Variants in BRINP2 observed in about 807,000 individuals in gnomAD.
BRINP2 encodes the protein BMP/retinoic acid-inducible neural-specific protein 2.
In BRINP2, 21 loss-of-function variants were observed where a neutral mutation model predicts 69.2. The observed-to-expected ratio is 0.30, with a 90% confidence interval of 0.22 to 0.44. The LOEUF (loss-of-function observed/expected upper bound fraction) is 0.44. Among genes scored for constraint, BRINP2 ranks in the 20% least tolerant of loss-of-function variants. The pLI, the probability that BRINP2 is intolerant of heterozygous loss-of-function variation, is 1.00. For missense variants in BRINP2, 877 were observed against 986.0 expected (o/e 0.89, Z 1.48); for synonymous variants, 380 against 394.1 (o/e 0.96, Z 0.42).
chr1:177,174,053 C>T (rs1463528398), intron 1 of BRINP2, among the ~76,000 whole-genome samples: 3 of 152,174 alleles, frequency 2.0e-5, no homozygotes, highest in Non-Finnish European at 2.9e-5. Flanking sequence ...CTAATTAATC[C>T]TCACACGGCT....
At chr1:177,266,798 T>G (rs1558183567) in intron 4 of BRINP2, among the ~76,000 whole-genome samples, 1 of 150,708 alleles carries the variant, frequency 6.6e-6, no homozygotes, top group Admixed American at 6.6e-5. Flanking sequence ...AAAAAAAAGT[T>G]ACTCTTTTGT....
intron 1 of BRINP2, among the ~76,000 whole-genome samples, chr1:177,176,457 C>CT (rs567449645): frequency 6.6e-6 from 1 of 150,970 alleles, no homozygotes; most frequent in Non-Finnish European, 1.5e-5. Flanking sequence ...TCACCCATTT[C>CT]TTTTTTATTT....
chr1:177,276,616 T>C (rs1471828790), intron 6 of BRINP2, among the ~76,000 whole-genome samples, 182 bp downstream of exon 6: 4 of 152,208 alleles, frequency 2.6e-5, no homozygotes, highest in African/African-American at 9.6e-5. Flanking sequence ...GTTTCATTTT[T>C]TTCTAGGACA....
chr1:177,196,998 A>T (rs1648766622), intron 1 of BRINP2, among the ~76,000 whole-genome samples: 1 of 152,110 alleles, frequency 6.6e-6, no homozygotes, highest in Non-Finnish European at 1.5e-5. Flanking sequence ...GTGTCTAGAG[A>T]TAGAGTCTTT....
chr1:177,196,176 A>C (rs149832037), intron 1 of BRINP2, among the ~76,000 whole-genome samples: 2 of 152,312 alleles, frequency 1.3e-5, no homozygotes, highest in East Asian at 3.9e-4. Flanking sequence ...TGTGCATTTT[A>C]ACGGATTGCA....
chr1:177,276,281 G>A lies in BRINP2; in HGVS notation c.859G>A (p.Glu287Lys), dbSNP rs763478469. Residue 287 changes from glutamate to lysine, a missense_variant, in exon 6 of 8, where the codon GAG becomes AAG. Glu to Lys is a moderately conservative substitution (Grantham distance 56). Coordinates refer to ENST00000361539, the MANE Select transcript of BRINP2 (RefSeq NM_021165.4). ...CTACATCACATGCAGCTCTGAGGGT[G>A]AGCTCGTCTGCAAGGAGAATGACTG... ...LSYITCSSEG[E>K]LVCKENDCWC... 4.3e-6 allele frequency: 7 copies of A among 1,614,124 alleles called. No individual in the cohort carries two copies. In the East Asian group the frequency reaches 6.7e-5, roughly 15 times the overall value.
At chr1:177,274,389 C>A (rs1232832381) in intron 5 of BRINP2, among the ~76,000 whole-genome samples, 1 of 152,178 alleles carries the variant, frequency 6.6e-6, no homozygotes, top group South Asian at 2.1e-4. Flanking sequence ...ATTACAAAAT[C>A]AATAACCCTC....
At chr1:177,258,663 A>T in intron 4 of BRINP2, among the ~76,000 whole-genome samples, 1 of 152,204 alleles carries the variant, frequency 6.6e-6, no homozygotes, top group East Asian at 1.9e-4. Context: ...TTCCAACAGC[A>T]TGTGCTTACT....
chr1:177,177,264 G>A (rs1393781242), intron 1 of BRINP2, among the ~76,000 whole-genome samples: 1 of 151,850 alleles, frequency 6.6e-6, no homozygotes, highest in African/African-American at 2.4e-5. Context: ...CTGGGCAACA[G>A]AGCGAGACTC....
chr1:177,234,813 A>T (rs77043873), intron 2 of BRINP2, among the ~76,000 whole-genome samples: 3,250 of 152,316 alleles, frequency 0.021, 108 homozygotes, highest in African/African-American at 0.075. Flanking sequence ...ACATATCTTT[A>T]TTGACTAAAA....
chr1:177,252,235 C>A (rs1178420780), intron 2 of BRINP2, among the ~76,000 whole-genome samples: 1 of 152,124 alleles, frequency 6.6e-6, no homozygotes, highest in Non-Finnish European at 1.5e-5. Context: ...TATGAACTTA[C>A]CTGCTTAGAT....
intron 1 of BRINP2, among the ~76,000 whole-genome samples, chr1:177,215,055 C>G (rs1649336031): frequency 6.6e-6 from 1 of 152,156 alleles, no homozygotes; most frequent in Admixed American, 6.5e-5. Context: ...TATCATCTCC[C>G]CAGTCTCCCC....
In BRINP2 at chr1:177,202,791, C is replaced by A. The variant is rs367829089; in HGVS notation, c.-76-27010C>A. Among the ~76,000 whole-genome samples the A allele has an allele frequency of 1.4e-3, 218 of 152,258 alleles. 4 individuals are homozygous for A. In the South Asian group the frequency reaches 0.018, roughly 13 times the overall value. On this transcript the variant is annotated intron_variant, in intron 1 of 7. Transcript: ENST00000361539. ...ACCGCAGTGAGATACCATCTCACAC[C>A]AGTTAGAATGGCGATCATTAAAAAG...
At chr1:177,190,909 T>C (rs1460002243) in intron 1 of BRINP2, among the ~76,000 whole-genome samples, 3 of 152,182 alleles carry the variant, frequency 2.0e-5, no homozygotes, top group African/African-American at 7.2e-5. Flanking sequence ...TAATACAATT[T>C]AGGGTTTATC....
At chr1:177,275,779 A>C (rs371590437) in intron 5 of BRINP2, among the ~76,000 whole-genome samples, 1 of 152,146 alleles carries the variant, frequency 6.6e-6, no homozygotes, top group African/African-American at 2.4e-5. Flanking sequence ...TATAAACAGG[A>C]TGGCTACAGG....
intron 2 of BRINP2, among the ~76,000 whole-genome samples, chr1:177,251,474 T>C (rs1650578398): frequency 6.6e-6 from 1 of 152,180 alleles, no homozygotes; most frequent in African/African-American, 2.4e-5. Flanking sequence ...CAGTATGATA[T>C]TGGCCTGGGT....
At chr1:177,182,450 C>T (rs1417930799) in intron 1 of BRINP2, among the ~76,000 whole-genome samples, 11 of 152,064 alleles carry the variant, frequency 7.2e-5, no homozygotes, top group Non-Finnish European at 1.6e-4. Flanking sequence ...CCCTTCAAAA[C>T]GAACCATACA....
chr1:177,266,790 A>G (rs1338771696), intron 4 of BRINP2, among the ~76,000 whole-genome samples: 1 of 151,668 alleles, frequency 6.6e-6, no homozygotes. Flanking sequence ...AGAAAGAAAA[A>G]AAAAAGTTAC....
chr1:177,188,642 A>G (rs1200505902), intron 1 of BRINP2, among the ~76,000 whole-genome samples: 2 of 152,132 alleles, frequency 1.3e-5, no homozygotes, highest in African/African-American at 2.4e-5. Flanking sequence ...TAACTGCCCC[A>G]TGACACTCTT....
Sources: allele counts gnomAD v4.1 joint callset (sites outside exome capture counted in the v4.1 genomes callset), GRCh38; gene constraint gnomAD v4.1.1; transcripts MANE v1.5; gene names NCBI Gene and HGNC (gene_info 2026-07-23, HGNC 2026-07-21).